MAPKAP1: variants seen among roughly 807,000 people sequenced by gnomAD.
The protein encoded by MAPKAP1 is target of rapamycin complex 2 subunit MAPKAP1.
In MAPKAP1, 20 loss-of-function variants were observed where a neutral mutation model predicts 65.7. That is an observed-to-expected ratio of 0.30 (90% CI 0.21 to 0.44). MAPKAP1 has a LOEUF of 0.44. Ranked by LOEUF, MAPKAP1 falls within the 20% of genes least tolerant of loss-of-function variation. The pLI is 1.00. For synonymous variants in MAPKAP1, 222 were observed against 244.3 expected (o/e 0.91, Z 0.85); for missense variants, 423 against 648.0 (o/e 0.65, Z 3.77).
chr9:125,476,200 C>A (rs1854101763), intron 9 of MAPKAP1, among the ~76,000 whole-genome samples: 1 of 152,186 alleles, frequency 6.6e-6, no homozygotes, highest in African/African-American at 2.4e-5. Context: ...GCATTTAGTG[C>A]AAAAGTGGTA....
chr9:125,659,312 C>T (rs1834120838), intron 3 of MAPKAP1, among the ~76,000 whole-genome samples: 1 of 152,014 alleles, frequency 6.6e-6, no homozygotes, highest in South Asian at 2.1e-4. Context: ...CTGAGGAATC[C>T]CAAACATAAG....
At chr9:125,624,873 C>A (rs1163268961) in intron 4 of MAPKAP1, among the ~76,000 whole-genome samples, 4 of 85,894 alleles carry the variant, frequency 4.7e-5, no homozygotes, top group African/African-American at 1.7e-4. Flanking sequence ...ACATGGGAGA[C>A]TTTTCATTTT....
chr9:125,557,769 A>T (rs1011309564), intron 6 of MAPKAP1, among the ~76,000 whole-genome samples: 1 of 152,216 alleles, frequency 6.6e-6, no homozygotes, highest in Non-Finnish European at 1.5e-5. Flanking sequence ...ACTACTAGAT[A>T]GTAAGCTCCA....
At chr9:125,534,506 C>G (rs146843397) in intron 7 of MAPKAP1, among the ~76,000 whole-genome samples, 2 of 152,292 alleles carry the variant, frequency 1.3e-5, no homozygotes, top group African/African-American at 4.8e-5. Flanking sequence ...CTCCATTTCC[C>G]GATGAGTAGC....
intron 4 of MAPKAP1, among the ~76,000 whole-genome samples, chr9:125,639,145 G>A (rs1833506812): frequency 6.6e-6 from 1 of 152,188 alleles, no homozygotes; most frequent in African/African-American, 2.4e-5. Context: ...GGAGCATGAG[G>A]CAGGAGAACT....
chr9:125,588,474 T>C (rs1273144568), intron 4 of MAPKAP1, among the ~76,000 whole-genome samples: 1 of 152,202 alleles, frequency 6.6e-6, no homozygotes, highest in African/African-American at 2.4e-5. Flanking sequence ...TAACAGTTCA[T>C]AACATTGTTA....
intron 4 of MAPKAP1, among the ~76,000 whole-genome samples, chr9:125,653,135 A>G (rs1273562213): frequency 6.6e-6 from 1 of 152,196 alleles, no homozygotes; most frequent in Non-Finnish European, 1.5e-5. Flanking sequence ...CACTGTCATC[A>G]TTTCTTTCAC....
intron 7 of MAPKAP1, among the ~76,000 whole-genome samples, chr9:125,520,997 A>G (rs1224727282): frequency 6.6e-6 from 1 of 152,192 alleles, no homozygotes; most frequent in Non-Finnish European, 1.5e-5. Flanking sequence ...ACCTATCCCA[A>G]CACATATCCT....
chr9:125,470,604 A>C (rs1180121173), intron 9 of MAPKAP1, among the ~76,000 whole-genome samples: 3 of 152,240 alleles, frequency 2.0e-5, no homozygotes, highest in African/African-American at 7.2e-5. Context: ...CATTACCAGC[A>C]GTATCTCTGC....
chr9:125,486,802 A>G (rs1235077711), intron 8 of MAPKAP1, among the ~76,000 whole-genome samples: 1 of 151,320 alleles, frequency 6.6e-6, no homozygotes, highest in African/African-American at 2.4e-5. Flanking sequence ...CCTTCTCCCC[A>G]TCTCATTCTC....
At chr9:125,616,240 GATTA>G (rs373443455) in intron 4 of MAPKAP1, among the ~76,000 whole-genome samples, 10 of 152,130 alleles carry the variant, frequency 6.6e-5, no homozygotes, top group African/African-American at 1.9e-4. Context: ...GTTCCAGATG[GATTA>G]ATTATTTAAC....
At chr9:125,694,052 G>A (rs1835312323) in intron 1 of MAPKAP1, among the ~76,000 whole-genome samples, 1 of 151,736 alleles carries the variant, frequency 6.6e-6, no homozygotes, top group South Asian at 2.1e-4. Flanking sequence ...TTTTAGGTTG[G>A]GCACGGTGGC....
At chr9:125,634,947 C>G (rs1259263676) in intron 4 of MAPKAP1, among the ~76,000 whole-genome samples, 1 of 152,078 alleles carries the variant, frequency 6.6e-6, no homozygotes, top group Non-Finnish European at 1.5e-5. Flanking sequence ...GACAGTAATC[C>G]ACACTTTTGA....
At chr9:125,643,654 G>C (rs1352405060) in intron 4 of MAPKAP1, among the ~76,000 whole-genome samples, 1 of 152,080 alleles carries the variant, frequency 6.6e-6, no homozygotes, top group Non-Finnish European at 1.5e-5. Flanking sequence ...TGGGCATTGA[G>C]GTTGCTTCCA....
chr9:125,507,533 C>T (rs565875730), intron 7 of MAPKAP1, among the ~76,000 whole-genome samples: 1 of 152,332 alleles, frequency 6.6e-6, no homozygotes, highest in Non-Finnish European at 1.5e-5. Flanking sequence ...AGGCATTTCA[C>T]TCATTTCCAG....
chr9:125,658,533 C>A (rs937813703), intron 3 of MAPKAP1, among the ~76,000 whole-genome samples: 1 of 152,194 alleles, frequency 6.6e-6, no homozygotes, highest in Non-Finnish European at 1.5e-5. Context: ...CTGGACCACA[C>A]AGCTAATAAG....
At chr9:125,648,794 A>G (rs1833807000) in intron 4 of MAPKAP1, among the ~76,000 whole-genome samples, 1 of 152,194 alleles carries the variant, frequency 6.6e-6, no homozygotes, top group Non-Finnish European at 1.5e-5. Flanking sequence ...TACAAAAATT[A>G]GCTGGGCGTG....
At chr9:125,466,482 G>A (rs2132986824) in intron 10 of MAPKAP1, among the ~76,000 whole-genome samples, 1 of 152,296 alleles carries the variant, frequency 6.6e-6, no homozygotes, top group East Asian at 1.9e-4. Context: ...AGAAGTGATT[G>A]CCTTTCATTT....
In MAPKAP1 at chr9:125,473,177, C is replaced by T. The variant is rs181635417; in HGVS notation, c.1208-5068G>A. Among the ~76,000 whole-genome samples the T allele has an allele frequency of 4.5e-3, 685 of 151,588 alleles. 4 individuals are homozygous for T. Among genetic ancestry groups the T allele is most frequent in the African/African-American group, 0.016 (643 of 41,256 alleles). ...GCTGCTGGGAAGGGCTCATGAGCTA[C>T]ACTACACCCAACCTGGTGCCCCTCT... On this transcript the variant is annotated intron_variant, in intron 9 of 11. Coordinates refer to ENST00000265960, the MANE Select transcript of MAPKAP1 (RefSeq NM_001006617.3).
Sources: gnomAD v4.1 joint callset for allele counts (sites outside exome capture counted in the v4.1 genomes callset) on GRCh38, gnomAD v4.1.1 for gene constraint, MANE v1.5 for transcripts, NCBI Gene and HGNC (gene_info 2026-07-23, HGNC 2026-07-21) for gene names.